The following SKP2 variants were observed in gnomAD, a reference collection of about 807,000 sequenced individuals.
The protein encoded by SKP2 is S-phase kinase-associated protein 2.
Under a neutral mutation model 51.8 loss-of-function variants are expected in SKP2, and 16 were observed. The observed-to-expected ratio is 0.31, with a 90% CI of 0.21 to 0.47. The LOEUF is 0.47. Among genes scored for constraint, SKP2 ranks in the 20% least tolerant of loss-of-function variants. The probability of loss-of-function intolerance (pLI) is 1.00; values close to 1 mark genes in which losing one functional copy is unlikely to be tolerated. For missense variants in SKP2, 377 were observed against 505.3 expected, an observed-to-expected ratio of 0.75 and a Z score of 2.43; for synonymous variants, 176 against 198.6, an observed-to-expected ratio of 0.89 and a Z score of 0.96.
At position 36,184,166 on chromosome 5, in the gene SKP2, A is replaced by G. The variant is rs1373272797; in HGVS notation, c.*2135A>G. ...TAAGACTCTTCAAAACAGAGCCCTG[A>G]GATGGTCCTTTTTGACCCATCTACT... On this transcript the variant is annotated 3_prime_UTR_variant, in exon 10 of 10. Transcript: ENST00000274255. 2 of 470,602 alleles carry G rather than the reference A, an allele frequency of 4.2e-6. No individual in the cohort carries two copies. The highest frequency in any genetic ancestry group is 3.5e-5 in the East Asian group (1 of 28,756). 29.2% of individuals were successfully genotyped at this position (470,602 alleles called of 1,614,324 possible).
chr5:36,187,812 T>C (rs1745970433), downstream of SKP2, among the ~76,000 whole-genome samples: 1 of 150,772 alleles, frequency 6.6e-6, no homozygotes, highest in African/African-American at 2.4e-5. Context: ...GTCTTGTTGA[T>C]CTGTCTAATG....
At position 36,183,596 on chromosome 5, in the gene SKP2, T is replaced by C. The variant is rs1745884448; in HGVS notation, c.*1565T>C. 3.6e-6 allele frequency: 4 copies of C among 1,117,716 alleles called. No homozygotes were observed. The highest frequency in any genetic ancestry group is 4.4e-6 in the Non-Finnish European group (4 of 916,834). The allele number at this position is 1,117,716 out of a possible 1,614,324, so 69.2% of individuals were successfully genotyped here. A position where few individuals can be genotyped will look rare whatever the true frequency, so the allele number is the denominator to read the frequency against. On this transcript the variant is annotated 3_prime_UTR_variant, in exon 10 of 10. Coordinates refer to ENST00000274255, the MANE Select transcript of SKP2 (RefSeq NM_005983.4). ...TCTACTTCTTAAAAATCACAAAAAC[T>C]AGTTTAAATTGATGACTTGTTCGTA... is the stretch of plus-strand genomic sequence containing the variant.
chr5:36,156,594 A>G (rs1002117688), intron 2 of SKP2, among the ~76,000 whole-genome samples: 2 of 152,110 alleles, frequency 1.3e-5, no homozygotes, highest in Non-Finnish European at 2.9e-5. Flanking sequence ...TGGCCCAGCA[A>G]TGAGGTCAGT....
chr5:36,179,879 T>A (rs1745747990), intron 9 of SKP2, among the ~76,000 whole-genome samples: 4 of 151,754 alleles, frequency 2.6e-5, no homozygotes, highest in Admixed American at 2.6e-4. Context: ...GCAAATTTTT[T>A]ATTCTGAGTT....
At chr5:36,166,750 G>A in intron 4 of SKP2, 88 bp downstream of exon 4, 1 of 1,155,216 alleles carries the variant, frequency 8.7e-7, no homozygotes, top group Non-Finnish European at 1.2e-6. Context: ...TCTTTCTTCA[G>A]CCTTAAAGCC....
intron 6 of SKP2, among the ~76,000 whole-genome samples, chr5:36,191,630 C>A (rs1378085387): frequency 1.3e-5 from 2 of 152,070 alleles, no homozygotes; most frequent in African/African-American, 2.4e-5. Context: ...TACACTTCAA[C>A]ATTTATTGAC....
chr5:36,183,042 A>G lies in SKP2; in HGVS notation c.*1011A>G, dbSNP rs961759950. ...CAGCAATAATTGTTTGAAACTATCC[A>G]TATATAAGGTTATCAGACCTACAGT... On this transcript the variant is annotated 3_prime_UTR_variant, in exon 10 of 10. Transcript: ENST00000274255. 8 of 958,860 alleles carry G rather than the reference A, an allele frequency of 8.3e-6. No individual in the cohort carries two copies. The African/African-American group carries it at 1.2e-4, about 15-fold the overall frequency. 59.4% of individuals were successfully genotyped at this position (958,860 alleles called of 1,614,324 possible). A position where few individuals can be genotyped will look rare whatever the true frequency, so the allele number is the denominator to read the frequency against.
chr5:36,185,867 G>C (rs1745950198), downstream of SKP2, among the ~76,000 whole-genome samples: 1 of 152,130 alleles, frequency 6.6e-6, no homozygotes, highest in Admixed American at 6.5e-5. Context: ...TCACGATATT[G>C]ATTCTTCCTA....
intron 6 of SKP2, among the ~76,000 whole-genome samples, 177 bp downstream of exon 6, chr5:36,170,619 A>G (rs1167872559): frequency 2.0e-5 from 3 of 152,170 alleles, no homozygotes; most frequent in East Asian, 1.9e-4. Context: ...AGCCAAGTCA[A>G]TTGAGTTTGC....
chr5:36,162,318 C>G (rs577628313), intron 2 of SKP2, among the ~76,000 whole-genome samples: 5 of 152,278 alleles, frequency 3.3e-5, no homozygotes, highest in East Asian at 1.9e-4. Context: ...TTCCTTGGAT[C>G]TAGAACACGT....
intron 2 of SKP2, among the ~76,000 whole-genome samples, chr5:36,158,168 T>C (rs1745011220): frequency 1.3e-5 from 2 of 152,230 alleles, no homozygotes. Context: ...TGTCTTTTAA[T>C]GTGGGTCTGG....
intron 6 of SKP2, among the ~76,000 whole-genome samples, chr5:36,189,857 G>T (rs1191810126): frequency 2.0e-5 from 3 of 152,212 alleles, no homozygotes; most frequent in Non-Finnish European, 4.4e-5. Flanking sequence ...TTGAGCTGCA[G>T]TGGGCTCCAC....
rs754624350 is a variant in SKP2, at chr5:36,183,855, T to C, written c.*1824T>C. 1 of 1,603,660 alleles carries C rather than the reference T, an allele frequency of 6.2e-7. No individual in the cohort carries two copies. The highest frequency in any genetic ancestry group is 2.2e-5 in the East Asian group (1 of 44,726). On this transcript the variant is annotated 3_prime_UTR_variant, in exon 10 of 10. Coordinates refer to ENST00000274255, the MANE Select transcript of SKP2 (RefSeq NM_005983.4). ...TTGTTTACAGATTAGTGACAAGAGC[T>C]GGGGTTAGGATCCGGTTGGACTCTG...
chr5:36,186,464 G>A (rs1280715560), downstream of SKP2, among the ~76,000 whole-genome samples: 1 of 152,176 alleles, frequency 6.6e-6, no homozygotes, highest in East Asian at 1.9e-4. Flanking sequence ...GAAGGTTGTT[G>A]AATTTTGTCA....
At chr5:36,188,419 G>A (rs1438465380), downstream of SKP2, among the ~76,000 whole-genome samples, 1 of 152,228 alleles carries the variant, frequency 6.6e-6, no homozygotes, top group Non-Finnish European at 1.5e-5. Flanking sequence ...TTGCAGGGCA[G>A]GCCTGGTGGC....
chr5:36,167,069 G>T (rs1030166027), intron 4 of SKP2, among the ~76,000 whole-genome samples: 1 of 151,956 alleles, frequency 6.6e-6, no homozygotes, highest in African/African-American at 2.4e-5. Context: ...TTGTAGCTTG[G>T]GGTTTATGAT....
intron 6 of SKP2, among the ~76,000 whole-genome samples, chr5:36,191,509 T>C (rs764398325): frequency 1.3e-5 from 2 of 152,060 alleles, no homozygotes; most frequent in Non-Finnish European, 2.9e-5. Flanking sequence ...TCTTGGGCTC[T>C]TGATTCCTAA....
Position 36,182,239 on chromosome 5 carries a change from A to G in SKP2, c.*208A>G. The G allele has an allele frequency of 7.4e-7, 1 of 1,351,954 alleles. No homozygotes were observed. Among genetic ancestry groups the G allele is most frequent in the Non-Finnish European group, 9.5e-7 (1 of 1,053,338 alleles). The allele number at this position is 1,351,954 out of a possible 1,614,324, so 83.7% of individuals were successfully genotyped here. ...CTTCTATCACTGCTTTGCTCTTAAG[A>G]GCCAAAGTTGTAGGCCTTTTGAAAT... On this transcript the variant is annotated 3_prime_UTR_variant, in exon 10 of 10. Coordinates refer to ENST00000274255, the MANE Select transcript of SKP2 (RefSeq NM_005983.4).
Position 36,183,615 on chromosome 5 carries a change from G to C in SKP2, c.*1584G>C. On this transcript the variant is annotated 3_prime_UTR_variant, in exon 10 of 10. Coordinates refer to ENST00000274255, the MANE Select transcript of SKP2 (RefSeq NM_005983.4). ...AAAAACTAGTTTAAATTGATGACTT[G>C]TTCGTATGTTCAAAATGTAACAACA... The C allele has an allele frequency of 1.7e-6, 2 of 1,171,374 alleles. No homozygotes were observed. Among genetic ancestry groups the C allele is most frequent in the Non-Finnish European group, 1.1e-6 (1 of 950,740 alleles). 72.6% of individuals were successfully genotyped at this position (1,171,374 alleles called of 1,614,324 possible). A position where few individuals can be genotyped will look rare whatever the true frequency, so the allele number is the denominator to read the frequency against.
Sources: gnomAD v4.1 joint callset for allele counts (sites outside exome capture counted in the v4.1 genomes callset) on GRCh38, gnomAD v4.1.1 for gene constraint, MANE v1.5 for transcripts, NCBI Gene and HGNC (gene_info 2026-07-23, HGNC 2026-07-21) for gene names.